MEF2C: variants seen among roughly 807,000 people sequenced by gnomAD.
MEF2C encodes myocyte-specific enhancer factor 2C.
MEF2C carries 6 observed loss-of-function variants against 50.5 expected under a neutral mutation model. That is an observed-to-expected ratio of 0.12 (90% CI 0.07 to 0.23). The LOEUF is 0.23. MEF2C is among the 10% of genes least tolerant of loss of function. The pLI, the probability that MEF2C is intolerant of heterozygous loss-of-function variation, is 1.00. For synonymous variants in MEF2C, 183 were observed against 228.0 expected (o/e 0.80, Z 1.78); for missense variants, 276 against 605.0 (o/e 0.46, Z 5.70).
intron 3 of MEF2C, among the ~76,000 whole-genome samples, chr5:88,771,040 C>A (rs556120995): frequency 6.6e-6 from 1 of 152,180 alleles, no homozygotes; most frequent in African/African-American, 2.4e-5. Context: ...TCCTACATGG[C>A]GGCAGGCAAG....
In MEF2C at chr5:88,721,960, AC is replaced by A. The variant is rs1221608982; in HGVS notation, c.*643del. On this transcript the variant is annotated 3_prime_UTR_variant, in exon 11 of 11. Coordinates refer to ENST00000504921, the MANE Select transcript of MEF2C (RefSeq NM_002397.5). ...TATTTTTATTTAATAAGAGATGCAG[AC>A]CCAGATTTATTTATTTATTTAATTA... 1 of 152,650 alleles carries A rather than the reference AC, an allele frequency of 6.6e-6. No homozygotes were observed. The highest frequency in any genetic ancestry group is 6.5e-5 in the Admixed American group (1 of 15,282). 9.5% of individuals were successfully genotyped at this position (152,650 alleles called of 1,614,324 possible).
chr5:88,739,602 A>T, intron 6 of MEF2C: 1 of 982,454 alleles, frequency 1.0e-6, no homozygotes, highest in Non-Finnish European at 1.2e-6. Context: ...GTGACAGTTG[A>T]AAAAAAAATT....
intron 3 of MEF2C, among the ~76,000 whole-genome samples, chr5:88,801,494 C>CTT (rs35142539): frequency 2.9e-5 from 4 of 139,420 alleles, no homozygotes; most frequent in Non-Finnish European, 3.2e-5. Context: ...TACTTGGGAA[C>CTT]TTTTTTTTTT....
intron 1 of MEF2C, among the ~76,000 whole-genome samples, chr5:88,895,326 C>T (rs1211354342): frequency 6.6e-6 from 1 of 151,882 alleles, no homozygotes; most frequent in African/African-American, 2.4e-5. Flanking sequence ...ACTATATTAT[C>T]CTTGTCAGTG....
chr5:88,847,953 CA>C (rs1174024658), intron 1 of MEF2C, among the ~76,000 whole-genome samples: 14 of 152,088 alleles, frequency 9.2e-5, no homozygotes, highest in Non-Finnish European at 2.9e-5. Flanking sequence ...ATCTAAATTA[CA>C]AAAGTTAGAG....
intron 1 of MEF2C, among the ~76,000 whole-genome samples, chr5:88,855,045 C>T (rs923681944): frequency 2.6e-5 from 4 of 152,160 alleles, no homozygotes; most frequent in African/African-American, 9.7e-5. Flanking sequence ...ACAAGCATGG[C>T]AGGAGGTACA....
intron 6 of MEF2C, chr5:88,734,822 G>A (rs1763448885): frequency 1.0e-6 from 1 of 976,820 alleles, no homozygotes; most frequent in Admixed American, 6.2e-5. Flanking sequence ...CATTTTAGAA[G>A]ATTAGTCACA....
intron 6 of MEF2C, chr5:88,740,364 C>G: frequency 1.0e-6 from 1 of 984,688 alleles, no homozygotes; most frequent in Non-Finnish European, 1.2e-6. Context: ...AGAAATTTTA[C>G]TTATTACTAA....
chr5:88,899,288 C>T (rs1268571904), intron 1 of MEF2C, among the ~76,000 whole-genome samples: 1 of 152,226 alleles, frequency 6.6e-6, no homozygotes, highest in East Asian at 1.9e-4. Context: ...ACTTGGAATG[C>T]TTACATGGTG....
chr5:88,738,124 A>G, intron 6 of MEF2C: 1 of 985,344 alleles, frequency 1.0e-6, no homozygotes, highest in Non-Finnish European at 1.2e-6. Context: ...GTTCTACTCA[A>G]AATGTTTCTG....
chr5:88,855,705 T>C (rs1373482954), intron 1 of MEF2C, among the ~76,000 whole-genome samples: 1 of 152,226 alleles, frequency 6.6e-6, no homozygotes, highest in Non-Finnish European at 1.5e-5. Context: ...CCCCATTCAC[T>C]TGGCACTCAT....
chr5:88,828,249 A>T (rs1010233370), intron 1 of MEF2C, among the ~76,000 whole-genome samples: 7 of 151,996 alleles, frequency 4.6e-5, no homozygotes, highest in African/African-American at 1.7e-4. Flanking sequence ...ACATTAAAAG[A>T]TGTGGGAAGA....
chr5:88,797,455 CTTT>C (rs879036291), intron 3 of MEF2C, among the ~76,000 whole-genome samples: 1 of 63,312 alleles, frequency 1.6e-5, no homozygotes, highest in African/African-American at 7.7e-5. Context: ...CAACCCTTGC[CTTT>C]TTTTTTTTTT....
At chr5:88,778,745 G>T (rs765819805) in intron 3 of MEF2C, among the ~76,000 whole-genome samples, 2 of 152,168 alleles carry the variant, frequency 1.3e-5, no homozygotes, top group Non-Finnish European at 2.9e-5. Context: ...TTTTTCAACA[G>T]TTACAAGGAA....
At chr5:88,831,641 G>A (rs941866721) in intron 1 of MEF2C, among the ~76,000 whole-genome samples, 2 of 151,886 alleles carry the variant, frequency 1.3e-5, no homozygotes, top group African/African-American at 2.4e-5. Flanking sequence ...CATTTAGAAG[G>A]TTTACACAGA....
intron 10 of MEF2C, among the ~76,000 whole-genome samples, chr5:88,726,704 G>A (rs1482966210): frequency 1.3e-5 from 2 of 152,164 alleles, no homozygotes; most frequent in Non-Finnish European, 2.9e-5. Context: ...ACCTTTGGCT[G>A]TTGTAATTCA....
intron 4 of MEF2C, among the ~76,000 whole-genome samples, chr5:88,754,598 G>A (rs555614747): frequency 1.3e-5 from 2 of 152,234 alleles, no homozygotes; most frequent in East Asian, 3.9e-4. Context: ...GACTATCTTT[G>A]GGTATCAAAA....
At chr5:88,782,253 A>G (rs1788456834) in intron 3 of MEF2C, 1 of 732,330 alleles carries the variant, frequency 1.4e-6, no homozygotes, top group Non-Finnish European at 1.7e-6. Context: ...GGATCACTTG[A>G]GCCCAGGAAT....
intron 3 of MEF2C, among the ~76,000 whole-genome samples, chr5:88,786,459 AG>A (rs567599467): frequency 1.3e-5 from 2 of 149,756 alleles, no homozygotes. Flanking sequence ...GAATTTAGAG[AG>A]GGGAAAAAAA....
Sources: allele counts gnomAD v4.1 joint callset (sites outside exome capture counted in the v4.1 genomes callset), GRCh38; gene constraint gnomAD v4.1.1; transcripts MANE v1.5; gene names NCBI Gene and HGNC (gene_info 2026-07-23, HGNC 2026-07-21).